SLC16A7: variants seen among roughly 807,000 people sequenced by gnomAD.
The protein encoded by SLC16A7 is solute carrier family 16 member 7.
A neutral mutation model predicts 34.9 loss-of-function variants in SLC16A7; 33 were observed. The observed-to-expected ratio is 0.94, with a 90% CI of 0.72 to 1.26. The LOEUF (loss-of-function observed/expected upper bound fraction) is 1.26. SLC16A7 is among the 50% of genes most tolerant of loss of function. SLC16A7 has a pLI of 0.00. For missense variants in SLC16A7, 573 were observed against 578.1 expected, an observed-to-expected ratio of 0.99 and a Z score of 0.09; for synonymous variants, 201 against 206.6, an observed-to-expected ratio of 0.97 and a Z score of 0.23.
intron 1 of SLC16A7, among the ~76,000 whole-genome samples, chr12:59,598,439 T>C (rs940534197): frequency 1.3e-5 from 2 of 152,214 alleles, no homozygotes; most frequent in Non-Finnish European, 2.9e-5. Flanking sequence ...AGTTCTCATA[T>C]AGTCAGTCAT....
At chr12:59,626,237 AG>A (rs1879924984) in intron 1 of SLC16A7, among the ~76,000 whole-genome samples, 1 of 141,184 alleles carries the variant, frequency 7.1e-6, no homozygotes, top group Admixed American at 7.1e-5. Context: ...TAAGTCCCTG[AG>A]GTTTTTTTGT....
intron 3 of SLC16A7, among the ~76,000 whole-genome samples, chr12:59,727,683 C>T (rs1876450870): frequency 6.6e-6 from 1 of 152,016 alleles, no homozygotes; most frequent in African/African-American, 2.4e-5. Flanking sequence ...GAAGTAATAG[C>T]ATTTGCATAT....
intron 2 of SLC16A7, among the ~76,000 whole-genome samples, chr12:59,668,442 A>G (rs1869392955): frequency 1.3e-5 from 2 of 152,152 alleles, no homozygotes; most frequent in Non-Finnish European, 2.9e-5. Context: ...GAACTTTAAG[A>G]TTTAATGACT....
chr12:59,739,097 T>A (rs1272729313), intron 3 of SLC16A7, among the ~76,000 whole-genome samples: 5 of 151,390 alleles, frequency 3.3e-5, no homozygotes, highest in African/African-American at 1.2e-4. Flanking sequence ...AATGTGCAGG[T>A]TTAGTTACAT....
At chr12:59,659,227 T>C (rs1179466905) in intron 2 of SLC16A7, among the ~76,000 whole-genome samples, 5 of 151,874 alleles carry the variant, frequency 3.3e-5, no homozygotes, top group Non-Finnish European at 4.4e-5. Context: ...CACACACACA[T>C]ATAGCCTCCC....
intron 1 of SLC16A7, among the ~76,000 whole-genome samples, chr12:59,602,676 G>A (rs59320157): frequency 2.6e-5 from 4 of 151,576 alleles, no homozygotes; most frequent in Non-Finnish European, 4.4e-5. Context: ...GTAGAAATAG[G>A]GTTTCACCAT....
rs1307621437 is a variant in SLC16A7 at position 59,748,746 on chromosome 12, C to A, written c.218-22473C>A. On this transcript the variant is annotated intron_variant, in intron 3 of 5. Transcript: ENST00000547379. Reference sequence around the variant, plus strand: ...AGGTGTGAAAACCTTACACTTTTTGCAAACTACCTTTTTATCTTGTATTGA... The same window carrying A: ...AGGTGTGAAAACCTTACACTTTTTGAAAACTACCTTTTTATCTTGTATTGA... Among the ~76,000 whole-genome samples, 5 of 152,252 alleles carry A rather than the reference C, an allele frequency of 3.3e-5. No homozygotes were observed. The East Asian group carries it at 9.6e-4, about 29-fold the overall frequency.
intron 3 of SLC16A7, among the ~76,000 whole-genome samples, chr12:59,768,834 G>GA (rs887645438): frequency 3.3e-5 from 5 of 151,840 alleles, no homozygotes; most frequent in African/African-American, 7.3e-5. Flanking sequence ...CCGTCTCTAT[G>GA]AAAAAAATTA....
intron 3 of SLC16A7, among the ~76,000 whole-genome samples, chr12:59,715,423 G>A (rs540416622): frequency 4.4e-4 from 67 of 152,250 alleles, no homozygotes; most frequent in Non-Finnish European, 6.5e-4. Flanking sequence ...TATCACAGCC[G>A]TCTTGTGCCT....
chr12:59,651,073 A>G (rs1000093985), intron 1 of SLC16A7, among the ~76,000 whole-genome samples: 2 of 152,172 alleles, frequency 1.3e-5, no homozygotes, highest in Non-Finnish European at 2.9e-5. Context: ...GAGCATGGCA[A>G]CATTCCAAGA....
intron 1 of SLC16A7, among the ~76,000 whole-genome samples, chr12:59,619,608 GTTCC>G (rs1879607436): frequency 6.6e-6 from 1 of 151,978 alleles, no homozygotes; most frequent in Non-Finnish European, 1.5e-5. Flanking sequence ...AAGATAATCT[GTTCC>G]TACCCACAGA....
intron 3 of SLC16A7, among the ~76,000 whole-genome samples, chr12:59,770,075 A>G (rs1297261525): frequency 6.6e-6 from 1 of 152,126 alleles, no homozygotes; most frequent in Non-Finnish European, 1.5e-5. Context: ...CACTGAAGTA[A>G]AACACAGTTT....
At chr12:59,621,514 T>A (rs552155778) in intron 1 of SLC16A7, among the ~76,000 whole-genome samples, 33 of 152,026 alleles carry the variant, frequency 2.2e-4, no homozygotes, top group African/African-American at 7.9e-4. Flanking sequence ...CTTACTTCTC[T>A]GTGCACCATT....
chr12:59,612,091 G>A (rs937242731), intron 1 of SLC16A7, among the ~76,000 whole-genome samples: 1 of 152,240 alleles, frequency 6.6e-6, no homozygotes, highest in African/African-American at 2.4e-5. Context: ...GAGACTCTGT[G>A]TGGAGGTTCC....
At chr12:59,746,316 G>A (rs928358100) in intron 3 of SLC16A7, among the ~76,000 whole-genome samples, 2 of 152,160 alleles carry the variant, frequency 1.3e-5, no homozygotes, top group Non-Finnish European at 2.9e-5. Flanking sequence ...AATGAAATCA[G>A]CAATACAAGA....
intron 1 of SLC16A7, among the ~76,000 whole-genome samples, chr12:59,631,854 G>C (rs1221654020): frequency 6.6e-6 from 1 of 151,938 alleles, no homozygotes; most frequent in Non-Finnish European, 1.5e-5. Context: ...GGTTGGGAAA[G>C]TAAATATAAA....
Position 59,732,222 on chromosome 12 carries a change from G to A in SLC16A7, c.217+27204G>A, listed in dbSNP as rs138876308. Among the ~76,000 whole-genome samples, 210 of 152,136 alleles carry A rather than the reference G, an allele frequency of 1.4e-3. 1 individual carries two copies. Among genetic ancestry groups the A allele is most frequent in the Middle Eastern group, 6.8e-3 (2 of 294 alleles). On this transcript the variant is annotated intron_variant, in intron 3 of 5. Coordinates refer to ENST00000547379, the MANE Select transcript of SLC16A7 (RefSeq NM_001270623.2). ...CACCTGAGGTCAGAGTTCGAGACCA[G>A]CCTGACCAATATGAAGAAACCCTAT...
chr12:59,735,750 A>G lies in SLC16A7; in HGVS notation c.217+30732A>G, dbSNP rs769054063. Among the ~76,000 whole-genome samples the G allele has an allele frequency of 2.2e-4, 33 of 152,228 alleles. 1 individual carries two copies. The highest frequency in any genetic ancestry group is 6.8e-3 in the Middle Eastern group (2 of 294). On this transcript the variant is annotated intron_variant, in intron 3 of 5. Coordinates refer to ENST00000547379, the MANE Select transcript of SLC16A7 (RefSeq NM_001270623.2). ...AACATAAATTTAATATGCAATTTCC[A>G]CTGGGGTTTTTTGAACACTTTATTA...
intron 2 of SLC16A7, among the ~76,000 whole-genome samples, chr12:59,701,438 G>C (rs868671516): frequency 1.2e-4 from 18 of 151,646 alleles, no homozygotes; most frequent in Middle Eastern, 3.4e-3. Flanking sequence ...TAATAAACTA[G>C]AATTTTAGAA....
Sources: gnomAD v4.1 joint callset for allele counts (sites outside exome capture counted in the v4.1 genomes callset) on GRCh38, gnomAD v4.1.1 for gene constraint, MANE v1.5 for transcripts, NCBI Gene and HGNC (gene_info 2026-07-23, HGNC 2026-07-21) for gene names.